MAGI2: variants seen among roughly 807,000 people sequenced by gnomAD.
MAGI2 encodes the protein membrane associated guanylate kinase, WW and PDZ domain containing 2, also known as membrane-associated guanylate kinase, WW and PDZ domain-containing protein 2.
Under a neutral mutation model 133.3 loss-of-function variants are expected in MAGI2, and 35 were observed. The observed-to-expected ratio is 0.26, with a 90% CI of 0.20 to 0.35. The LOEUF is 0.35. MAGI2 is among the 10% of genes least tolerant of loss of function. The pLI, the probability that MAGI2 is intolerant of heterozygous loss-of-function variation, is 1.00. For missense variants in MAGI2, 1,636 were observed against 1,863.4 expected, an observed-to-expected ratio of 0.88 and a Z score of 2.25; for synonymous variants, 729 against 710.6, an observed-to-expected ratio of 1.03 and a Z score of -0.41.
chr7:79,313,182 A>G (rs1215934430), intron 1 of MAGI2, among the ~76,000 whole-genome samples: 2 of 152,192 alleles, frequency 1.3e-5, no homozygotes, highest in Non-Finnish European at 2.9e-5. Context: ...TACTAAAATT[A>G]TTATTTCTTG....
intron 1 of MAGI2, among the ~76,000 whole-genome samples, chr7:79,258,266 A>G (rs1218490315): frequency 6.6e-6 from 1 of 152,212 alleles, no homozygotes; most frequent in Admixed American, 6.5e-5. Context: ...AGTATTATAA[A>G]ATCTCTTTGT....
At chr7:78,400,143 G>C (rs1222644656) in intron 6 of MAGI2, among the ~76,000 whole-genome samples, 1 of 152,052 alleles carries the variant, frequency 6.6e-6, no homozygotes, top group East Asian at 1.9e-4. Flanking sequence ...AAAATGTATG[G>C]ACCAATACCA....
At position 79,311,289 on chromosome 7, in the gene MAGI2, T is replaced by C. The variant is rs555208922; in HGVS notation, c.301+141731A>G. Among the ~76,000 whole-genome samples the C allele has an allele frequency of 2.2e-4, 33 of 152,310 alleles. No homozygotes were observed. The South Asian group carries it at 5.4e-3, about 25-fold the overall frequency. On this transcript the variant is annotated intron_variant, in intron 1 of 21. Coordinates refer to ENST00000354212, the MANE Select transcript of MAGI2 (RefSeq NM_012301.4). ...TCCCTGGGCCACCTTGGAAGAAGAATTGTCTTGGGTCACACATAAAATACA... is the reference window on the plus strand; with the variant it reads ...TCCCTGGGCCACCTTGGAAGAAGAACTGTCTTGGGTCACACATAAAATACA...
chr7:79,202,972 T>C (rs62460852), intron 1 of MAGI2, among the ~76,000 whole-genome samples: 4,741 of 152,070 alleles, frequency 0.031, 91 homozygotes, highest in Middle Eastern at 0.058. Context: ...GCTTAACATG[T>C]CCAAAACATA....
intron 2 of MAGI2, among the ~76,000 whole-genome samples, chr7:78,887,813 G>A (rs1282419261): frequency 6.6e-6 from 1 of 152,252 alleles, no homozygotes; most frequent in Non-Finnish European, 1.5e-5. Context: ...CAACGCAGAA[G>A]ATGGGTGATT....
At chr7:78,503,447 G>T (rs1023115178) in intron 4 of MAGI2, among the ~76,000 whole-genome samples, 2 of 151,870 alleles carry the variant, frequency 1.3e-5, no homozygotes, top group South Asian at 2.1e-4. Context: ...GAGGTAACTG[G>T]ATCATGGGGA....
At chr7:78,380,146 C>G in intron 6 of MAGI2, among the ~76,000 whole-genome samples, 1 of 149,768 alleles carries the variant, frequency 6.7e-6, no homozygotes, top group South Asian at 2.1e-4. Context: ...AGGGACAACA[C>G]ACACACACAC....
At chr7:79,404,725 T>C (rs1406731449) in intron 1 of MAGI2, among the ~76,000 whole-genome samples, 1 of 152,108 alleles carries the variant, frequency 6.6e-6, no homozygotes, top group African/African-American at 2.4e-5. Context: ...TAAGAATCCA[T>C]GGGGCCCAGG....
At chr7:78,509,638 T>G (rs951269460) in intron 4 of MAGI2, among the ~76,000 whole-genome samples, 2 of 152,216 alleles carry the variant, frequency 1.3e-5, no homozygotes, top group Non-Finnish European at 2.9e-5. Flanking sequence ...TCTTGTTTAT[T>G]GCCCTGCCAG....
chr7:78,283,477 A>ACT (rs1795835408), intron 9 of MAGI2, among the ~76,000 whole-genome samples: 1 of 152,002 alleles, frequency 6.6e-6, no homozygotes, highest in African/African-American at 2.4e-5. Context: ...ATAAGTAAAT[A>ACT]TATGAATAAG....
intron 6 of MAGI2, among the ~76,000 whole-genome samples, chr7:78,477,404 G>C (rs193076166): frequency 6.6e-6 from 1 of 152,080 alleles, no homozygotes; most frequent in East Asian, 1.9e-4. Flanking sequence ...AATTTACCCT[G>C]TAAGTTTAAG....
At chr7:79,305,950 G>A (rs1255381327) in intron 1 of MAGI2, among the ~76,000 whole-genome samples, 1 of 150,438 alleles carries the variant, frequency 6.6e-6, no homozygotes, top group Non-Finnish European at 1.5e-5. Flanking sequence ...TGAGGCATAG[G>A]AAAGGCTTTG....
chr7:79,253,902 G>C (rs1478419149), intron 1 of MAGI2, among the ~76,000 whole-genome samples: 2 of 152,066 alleles, frequency 1.3e-5, no homozygotes, highest in Non-Finnish European at 2.9e-5. Context: ...GTTGACTATA[G>C]GATAAGTACC....
intron 6 of MAGI2, among the ~76,000 whole-genome samples, chr7:78,404,331 A>G (rs182611987): frequency 6.6e-6 from 1 of 152,294 alleles, no homozygotes; most frequent in East Asian, 1.9e-4. Context: ...TAGAGTTCAT[A>G]TGGAAGCAAA....
intron 1 of MAGI2, among the ~76,000 whole-genome samples, chr7:79,106,527 C>T (rs1237249733): frequency 3.3e-5 from 5 of 152,016 alleles, no homozygotes; most frequent in East Asian, 1.9e-4. Flanking sequence ...ATTATCACAA[C>T]GAAATCACTC....
rs560162256 is a variant in MAGI2 at position 78,269,440 on chromosome 7, C to A, written c.1409-12859G>T. Among the ~76,000 whole-genome samples, 147 of 152,290 alleles carry A rather than the reference C, an allele frequency of 9.7e-4. 1 individual carries two copies. The highest frequency in any genetic ancestry group is 3.2e-3 in the African/African-American group (134 of 41,558). On this transcript the variant is annotated intron_variant, in intron 9 of 21. Coordinates refer to ENST00000354212, the MANE Select transcript of MAGI2 (RefSeq NM_012301.4). ...TTCATGTTCTCCACATCCTCTCCAGCATCTGTTGTTTACTAACTTTTTAAT... is the reference window on the plus strand; with the variant it reads ...TTCATGTTCTCCACATCCTCTCCAGAATCTGTTGTTTACTAACTTTTTAAT...
At position 78,622,429 on chromosome 7, in the gene MAGI2, G is replaced by A. The variant is rs73378262; in HGVS notation, c.538+4691C>T. Among the ~76,000 whole-genome samples, 1,520 of 152,108 alleles carry A rather than the reference G, an allele frequency of 1.0e-2. 23 individuals are homozygous for A. Among genetic ancestry groups the A allele is most frequent in the African/African-American group, 0.033 (1,386 of 41,530 alleles). ...ACAATGACCTAAACACTGCAGAAGGGAGAATGTGTAATTTAAATAAATGAG... is the reference window on the plus strand; with the variant it reads ...ACAATGACCTAAACACTGCAGAAGGAAGAATGTGTAATTTAAATAAATGAG... On this transcript the variant is annotated intron_variant, in intron 3 of 21. Transcript: ENST00000354212.
At chr7:78,268,386 C>T (rs1794223625) in intron 9 of MAGI2, among the ~76,000 whole-genome samples, 1 of 152,046 alleles carries the variant, frequency 6.6e-6, no homozygotes, top group Non-Finnish European at 1.5e-5. Flanking sequence ...GGAGAAATGG[C>T]TAATAATAAC....
At chr7:79,264,129 T>G (rs1388093816) in intron 1 of MAGI2, among the ~76,000 whole-genome samples, 14 of 152,320 alleles carry the variant, frequency 9.2e-5, no homozygotes, top group Non-Finnish European at 1.5e-5. Context: ...AAATCCAGTG[T>G]GCATTTTATA....
Sources: gnomAD v4.1 joint callset for allele counts (sites outside exome capture counted in the v4.1 genomes callset) on GRCh38, gnomAD v4.1.1 for gene constraint, MANE v1.5 for transcripts, NCBI Gene and HGNC (gene_info 2026-07-23, HGNC 2026-07-21) for gene names.